The following CEP135 variants were observed in gnomAD, a reference collection of about 807,000 sequenced individuals.
CEP135 encodes the protein centrosomal protein of 135 kDa.
Under a neutral mutation model 157.3 loss-of-function variants are expected in CEP135, and 142 were observed. The observed-to-expected ratio is 0.90, with a 90% CI of 0.79 to 1.04. The LOEUF (loss-of-function observed/expected upper bound fraction) is 1.04. Among genes scored for constraint, CEP135 ranks in the 50% least tolerant of loss-of-function variants. CEP135 has a pLI of 0.00. For missense variants in CEP135, 1,317 were observed against 1,309.2 expected, an observed-to-expected ratio of 1.01 and a Z score of -0.09; for synonymous variants, 396 against 439.8, an observed-to-expected ratio of 0.90 and a Z score of 1.25.
At chr4:56,003,858 C>T (rs1730262339) in intron 17 of CEP135, among the ~76,000 whole-genome samples, 1 of 151,918 alleles carries the variant, frequency 6.6e-6, no homozygotes, top group African/African-American at 2.4e-5. Context: ...TTAGCTGGTA[C>T]TACAGACGTG....
At chr4:55,950,919 G>A (rs548547738) in intron 1 of CEP135, among the ~76,000 whole-genome samples, 1 of 152,208 alleles carries the variant, frequency 6.6e-6, no homozygotes, top group South Asian at 2.1e-4. Flanking sequence ...ACTCTTAACG[G>A]GCAATCTGCA....
intron 17 of CEP135, among the ~76,000 whole-genome samples, chr4:56,005,255 C>A (rs908082480): frequency 2.0e-5 from 3 of 151,958 alleles, no homozygotes; most frequent in Non-Finnish European, 4.4e-5. Context: ...CGTAGTGAGA[C>A]CCCATCTCTA....
chr4:56,011,596 A>G (rs1041540792), intron 20 of CEP135, 74 bp downstream of exon 20: 2 of 1,073,682 alleles, frequency 1.9e-6, no homozygotes, highest in Admixed American at 2.6e-5. Flanking sequence ...TGCCTCTACA[A>G]TTAGATATTA....
chr4:56,023,766 T>C (rs913690594), intron 24 of CEP135, among the ~76,000 whole-genome samples: 1 of 142,634 alleles, frequency 7.0e-6, no homozygotes, highest in African/African-American at 2.6e-5. Flanking sequence ...GTATATTATA[T>C]ATAGTATATT....
At chr4:56,003,733 G>C (rs1436648460) in intron 17 of CEP135, among the ~76,000 whole-genome samples, 1 of 141,276 alleles carries the variant, frequency 7.1e-6, no homozygotes, top group African/African-American at 2.6e-5. Flanking sequence ...TTTTTTTTTT[G>C]TTTTTGAGAC....
chr4:55,995,250 T>G (rs1479974610), intron 15 of CEP135, among the ~76,000 whole-genome samples: 1 of 152,196 alleles, frequency 6.6e-6, no homozygotes. Context: ...CAACAGTCTT[T>G]TTTTTCCTTG....
At chr4:55,956,534 G>T (rs113059357) in intron 4 of CEP135, among the ~76,000 whole-genome samples, 1 of 151,788 alleles carries the variant, frequency 6.6e-6, no homozygotes, top group Non-Finnish European at 1.5e-5. Flanking sequence ...TAATAACCAC[G>T]CATATTTTAG....
chr4:55,967,151 A>T (rs1380845621), intron 8 of CEP135, among the ~76,000 whole-genome samples: 2 of 151,980 alleles, frequency 1.3e-5, no homozygotes, highest in Non-Finnish European at 2.9e-5. Flanking sequence ...AAAAAAAGAA[A>T]TTTTTTATTT....
At chr4:55,953,058 T>C (rs1486396794) in intron 2 of CEP135, 27 bp from the exon 3 acceptor site, 2 of 1,503,480 alleles carry the variant, frequency 1.3e-6, no homozygotes, top group African/African-American at 2.8e-5. Flanking sequence ...AAATATTTCC[T>C]GGTATTTAAA....
chr4:55,984,066 C>T (rs1017240390), intron 13 of CEP135, among the ~76,000 whole-genome samples: 2 of 152,174 alleles, frequency 1.3e-5, no homozygotes, highest in Non-Finnish European at 1.5e-5. Context: ...TCTCTTAAAT[C>T]GATATTTCAC....
At chr4:55,968,559 T>G (rs1488859537) in intron 8 of CEP135, among the ~76,000 whole-genome samples, 1 of 152,158 alleles carries the variant, frequency 6.6e-6, no homozygotes, top group Non-Finnish European at 1.5e-5. Flanking sequence ...CACCACCTTT[T>G]GCATCTTCTA....
chr4:56,021,060 AT>A (rs909669813), intron 24 of CEP135, among the ~76,000 whole-genome samples: 4 of 152,228 alleles, frequency 2.6e-5, no homozygotes, highest in Non-Finnish European at 5.9e-5. Flanking sequence ...AATAGGAAGT[AT>A]TGGATAAATA....
intron 14 of CEP135, among the ~76,000 whole-genome samples, chr4:55,989,819 G>C (rs1007312844): frequency 2.0e-5 from 3 of 152,180 alleles, no homozygotes; most frequent in African/African-American, 7.2e-5. Context: ...AATATGTGTA[G>C]CTCCTAGGAG....
intron 2 of CEP135, 139 bp from the exon 3 acceptor site, chr4:55,952,946 T>C: frequency 4.6e-6 from 3 of 648,812 alleles, no homozygotes; most frequent in Non-Finnish European, 7.3e-6. Context: ...ACTACTCTCC[T>C]TCCTATATGT....
chr4:55,957,949 A>G (rs1577865114), intron 5 of CEP135, among the ~76,000 whole-genome samples: 1 of 152,350 alleles, frequency 6.6e-6, no homozygotes, highest in Non-Finnish European at 1.5e-5. Flanking sequence ...TGAGAAATTC[A>G]CAAAACACCA....
chr4:55,968,969 C>T lies in CEP135; in HGVS notation c.1045-94C>T, dbSNP rs187966918. The T allele has an allele frequency of 2.4e-4, 204 of 845,184 alleles. No individual in the cohort carries two copies. In the African/African-American group the frequency reaches 2.8e-3, roughly 11 times the overall value. The allele number at this position is 845,184 out of a possible 1,614,324, so 52.4% of individuals were successfully genotyped here. A position where few individuals can be genotyped will look rare whatever the true frequency, so the allele number is the denominator to read the frequency against. ...CTCAGATCTCACTGGTAAGAGGGAA[C>T]GTGAAGTAATTGCAAAATTACTTGA... On this transcript the variant is annotated intron_variant, in intron 8 of 25. Coordinates refer to ENST00000257287, the MANE Select transcript of CEP135 (RefSeq NM_025009.5).
chr4:55,993,131 A>G (rs931582199), intron 15 of CEP135, among the ~76,000 whole-genome samples: 3 of 152,242 alleles, frequency 2.0e-5, no homozygotes, highest in African/African-American at 4.8e-5. Flanking sequence ...AAGTTAGTGA[A>G]TGGCATTGGA....
chr4:56,007,885 G>C (rs1730412725), intron 17 of CEP135, among the ~76,000 whole-genome samples: 1 of 152,124 alleles, frequency 6.6e-6, no homozygotes, highest in African/African-American at 2.4e-5. Context: ...TGTTAGCATT[G>C]TATATTTATT....
At position 56,019,404 on chromosome 4, in the gene CEP135, C is replaced by A; in HGVS notation, c.3064C>A (p.Gln1022Lys). ...VKSESDLLKK[Q>K]LSNERHTVKN... ...GTCAGAGTCAGACCTACTGAAAAAA[C>A]AACTTTCAAATGAGAGACATACAGT... The change falls in exon 23 of 26, where the codon CAA (glutamine) becomes AAA (lysine). Residue 1022 changes from glutamine (Q) to lysine (K), a missense_variant. By Grantham distance (53) the Gln-to-Lys change is moderately conservative (BLOSUM62 1). Coordinates refer to ENST00000257287, the MANE Select transcript of CEP135 (RefSeq NM_025009.5). The A allele has an allele frequency of 6.2e-7, 1 of 1,613,632 alleles. No individual in the cohort carries two copies. The highest frequency in any genetic ancestry group is 1.3e-5 in the African/African-American group (1 of 74,972).
Sources: gnomAD v4.1 joint callset for allele counts (sites outside exome capture counted in the v4.1 genomes callset) on GRCh38, gnomAD v4.1.1 for gene constraint, MANE v1.5 for transcripts, NCBI Gene and HGNC (gene_info 2026-07-23, HGNC 2026-07-21) for gene names.